PPARG: variants seen among roughly 807,000 people sequenced by gnomAD.
The protein encoded by PPARG is peroxisome proliferator activated receptor gamma.
In PPARG, 17 loss-of-function variants were observed where a neutral mutation model predicts 39.2. The observed-to-expected ratio is 0.43, with a 90% confidence interval of 0.30 to 0.65. The LOEUF is 0.65. PPARG is among the 30% of genes least tolerant of loss of function. The pLI is 0.13. For missense variants in PPARG, 406 were observed against 585.9 expected, an observed-to-expected ratio of 0.69 and a Z score of 3.17; for synonymous variants, 223 against 215.7, an observed-to-expected ratio of 1.03 and a Z score of -0.30.
intron 2 of PPARG, among the ~76,000 whole-genome samples, chr3:12,329,624 T>A (rs1366555121): frequency 6.6e-6 from 1 of 152,206 alleles, no homozygotes; most frequent in Non-Finnish European, 1.5e-5. Context: ...CATTTTTTTT[T>A]ATTGTGGTAA....
At chr3:12,432,226 G>A (rs1296665464) in intron 7 of PPARG, among the ~76,000 whole-genome samples, 10 of 152,140 alleles carry the variant, frequency 6.6e-5, no homozygotes, top group Non-Finnish European at 1.3e-4. Flanking sequence ...AGTTAACATT[G>A]TTACTAAAAC....
At chr3:12,302,418 TTGGAACTA>T (rs930377295) in intron 1 of PPARG, among the ~76,000 whole-genome samples, 1 of 152,134 alleles carries the variant, frequency 6.6e-6, no homozygotes, top group Non-Finnish European at 1.5e-5. Context: ...TGAACATGTT[TTGGAACTA>T]CACAGAAGTG....
intron 6 of PPARG, among the ~76,000 whole-genome samples, chr3:12,410,486 A>G (rs2050844061): frequency 6.6e-6 from 1 of 152,210 alleles, no homozygotes. Flanking sequence ...GTACCTGCCA[A>G]CTTTTCACCC....
chr3:12,434,116 C>T lies in PPARG; in HGVS notation c.1399C>T (p.Leu467=). ...TETDMSLHPL[L]QEIYKDLY ...GACAGACATGAGTCTTCACCCGCTC[C>T]TGCAGGAGATCTACAAGGACTTGTA... The change falls in exon 8 of 8, where the codon CTG becomes TTG. Residue 467 remains leucine, a synonymous_variant. Coordinates refer to ENST00000651735, the MANE Select transcript of PPARG (RefSeq NM_138711.6). The surrounding 1 kb of genome is among the most constrained non-coding windows in gnomAD (Gnocchi z 4.2). 4 of 1,613,598 alleles carry T rather than the reference C, an allele frequency of 2.5e-6. No individual in the cohort carries two copies. The highest frequency in any genetic ancestry group is 3.4e-6 in the Non-Finnish European group (4 of 1,179,898).
intron 2 of PPARG, among the ~76,000 whole-genome samples, chr3:12,360,878 A>G (rs946614799): frequency 1.3e-5 from 2 of 152,208 alleles, no homozygotes; most frequent in Non-Finnish European, 2.9e-5. Flanking sequence ...TAGTACTGCT[A>G]TGAACATTGT....
chr3:12,364,687 C>CA (rs1394974372), intron 2 of PPARG, among the ~76,000 whole-genome samples: 2 of 152,166 alleles, frequency 1.3e-5, no homozygotes, highest in Non-Finnish European at 2.9e-5. Context: ...TCTGTTGCTC[C>CA]ACATCCTCAT....
chr3:12,301,563 C>CTA (rs2046926903), intron 1 of PPARG: 1 of 152,138 alleles, frequency 6.6e-6, no homozygotes, highest in African/African-American at 2.4e-5. Flanking sequence ...ACCAAAGAAA[C>CTA]TGCTTTACAT....
chr3:12,365,518 T>G (rs1296562178), intron 2 of PPARG, among the ~76,000 whole-genome samples: 1 of 152,150 alleles, frequency 6.6e-6, no homozygotes, highest in Non-Finnish European at 1.5e-5. Context: ...GTACTTTACA[T>G]TTAGATCTAT....
intron 2 of PPARG, among the ~76,000 whole-genome samples, chr3:12,379,109 T>G (rs1271369125): frequency 6.6e-6 from 1 of 151,994 alleles, no homozygotes; most frequent in Non-Finnish European, 1.5e-5. Context: ...CAGGTTCAAG[T>G]GATTCTCCTG....
chr3:12,307,111 A>G (rs2047091092), intron 1 of PPARG, among the ~76,000 whole-genome samples: 1 of 150,628 alleles, frequency 6.6e-6, no homozygotes, highest in Non-Finnish European at 1.5e-5. Context: ...AAAAAAAAAA[A>G]AAAAAATCAA....
intron 6 of PPARG, among the ~76,000 whole-genome samples, chr3:12,411,499 GTTAGT>G (rs1351813048): frequency 6.6e-6 from 1 of 152,122 alleles, no homozygotes; most frequent in Non-Finnish European, 1.5e-5. Flanking sequence ...TGTTAAGAGC[GTTAGT>G]TTAAAATCTC....
chr3:12,428,048 T>C (rs1228592139), intron 7 of PPARG, among the ~76,000 whole-genome samples: 1 of 152,216 alleles, frequency 6.6e-6, no homozygotes, highest in East Asian at 1.9e-4. Flanking sequence ...GCATTTTTTC[T>C]GCCTCTTCTT....
At position 12,428,219 on chromosome 3, in the gene PPARG, G is replaced by A. The variant is rs3773360; in HGVS notation, c.1181-5679G>A. Among the ~76,000 whole-genome samples, 24 of 152,348 alleles carry A rather than the reference G, an allele frequency of 1.6e-4. No homozygotes were observed. In the East Asian group the frequency reaches 3.9e-3, roughly 24 times the overall value. ...CCACTTAACAGTACCAGATCTGGAC[G>A]AGATGGAAGCTTTGTAGATTTGCCC... On this transcript the variant is annotated intron_variant, in intron 7 of 7. Coordinates refer to ENST00000651735, the MANE Select transcript of PPARG (RefSeq NM_138711.6).
At chr3:12,341,106 C>G (rs564465561) in intron 2 of PPARG, among the ~76,000 whole-genome samples, 1 of 152,122 alleles carries the variant, frequency 6.6e-6, no homozygotes, top group East Asian at 1.9e-4. Flanking sequence ...TCGCTTGAAC[C>G]TGGGAGGTGG....
intron 2 of PPARG, among the ~76,000 whole-genome samples, chr3:12,367,957 T>C (rs2125135527): frequency 6.6e-6 from 1 of 151,956 alleles, no homozygotes; most frequent in East Asian, 1.9e-4. Context: ...TTTGAAAATT[T>C]CCTGTGAGAC....
In PPARG at chr3:12,391,193, G is replaced by A. The variant is rs1230022343; in HGVS notation, c.391-1421G>A. Among the ~76,000 whole-genome samples, 4 of 152,194 alleles carry A rather than the reference G, an allele frequency of 2.6e-5. No homozygotes were observed. In the East Asian group the frequency reaches 5.8e-4, roughly 22 times the overall value. The stretch of plus-strand genomic sequence containing the variant: ...CATAGGCATTTGGATTCCATCCAGG[G>A]GTATAAGAGACTATTCCTGCCGCTG... On this transcript the variant is annotated intron_variant, in intron 4 of 7. Coordinates refer to ENST00000651735, the MANE Select transcript of PPARG (RefSeq NM_138711.6).
intron 5 of PPARG, 130 bp downstream of exon 5, chr3:12,392,882 C>T (rs768571342): frequency 2.3e-5 from 26 of 1,146,354 alleles, no homozygotes; most frequent in Middle Eastern, 2.6e-4. Context: ...TATTGCATGG[C>T]GATAAAACAT....
chr3:12,299,059 T>A (rs1024601060), intron 1 of PPARG, among the ~76,000 whole-genome samples: 9 of 152,242 alleles, frequency 5.9e-5, no homozygotes, highest in Admixed American at 3.9e-4. Flanking sequence ...GGTCTTGAAC[T>A]CGTAGGCCCA....
At position 12,409,330 on chromosome 3, in the gene PPARG, A is replaced by G. The variant is rs995110708; in HGVS notation, c.729+3249A>G. ...ACTGATGACACAAAACTAAACTACA[A>G]TTGTTTGGCACCCTCTCTTCTCCTT... On this transcript the variant is annotated intron_variant, in intron 6 of 7. Transcript: ENST00000651735. Among the ~76,000 whole-genome samples the G allele has an allele frequency of 3.9e-5, 6 of 152,026 alleles. No individual in the cohort carries two copies. The East Asian group carries it at 5.8e-4, about 15-fold the overall frequency.
Sources: allele counts gnomAD v4.1 joint callset (sites outside exome capture counted in the v4.1 genomes callset), GRCh38; gene constraint gnomAD v4.1.1; non-coding constraint Gnocchi (gnomAD v3.1); transcripts MANE v1.5; gene names NCBI Gene and HGNC (gene_info 2026-07-23, HGNC 2026-07-21).